Variants in VWCE observed in about 807,000 individuals in gnomAD.
VWCE encodes von Willebrand factor C and EGF domains.
In VWCE, 68 loss-of-function variants were observed where a neutral mutation model predicts 102.9. The ratio of observed to expected loss-of-function variants is 0.66; its 90% confidence interval spans 0.54 to 0.81. The LOEUF (loss-of-function observed/expected upper bound fraction) is 0.81. Among genes scored for constraint, VWCE ranks in the 30% least tolerant of loss-of-function variants. The pLI is 0.00. For synonymous variants in VWCE, 497 were observed against 515.4 expected, an observed-to-expected ratio of 0.96 and a Z score of 0.48; for missense variants, 1,137 against 1,263.6, an observed-to-expected ratio of 0.90 and a Z score of 1.52.
intron 16 of VWCE, among the ~76,000 whole-genome samples, chr11:61,266,182 G>A (rs1854509111): frequency 6.6e-6 from 1 of 152,134 alleles, no homozygotes; most frequent in South Asian, 2.1e-4. Context: ...AGGCAACAGA[G>A]CAAGATCCTG....
chr11:61,274,672 G>A (rs1294401019), intron 11 of VWCE, 88 bp from the exon 12 acceptor site: 2 of 1,162,264 alleles, frequency 1.7e-6, no homozygotes, highest in Non-Finnish European at 1.3e-6. Flanking sequence ...GGAGCCCCGG[G>A]GCACTTAACA....
In VWCE at chr11:61,294,235, C is replaced by G. The variant is rs1855603658; in HGVS notation, c.110+693G>C. ...GGTGGCTGTGGAACACACGTGTGAG[C>G]TACAAGCCTGGCCGGGCCGCCCCCG... On this transcript the variant is annotated intron_variant, in intron 1 of 19. Transcript: ENST00000335613. This position sits in a 1 kb window ranked among gnomAD's most constrained non-coding sequence, Gnocchi z 6.3. Among the ~76,000 whole-genome samples the G allele has an allele frequency of 6.6e-6, 1 of 152,168 alleles. No homozygotes were observed. The highest frequency in any genetic ancestry group is 2.1e-4 in the South Asian group (1 of 4,838).
rs1229015417 is a variant in VWCE, at chr11:61,264,558, T to A, written c.2159A>T (p.Glu720Val). 8.1e-6 allele frequency: 13 copies of A among 1,611,256 alleles called. No homozygotes were observed. The highest frequency in any genetic ancestry group is 1.1e-5 in the Non-Finnish European group (13 of 1,179,032). ...ACAGGCCCGCTGGCAGGGAACCTTCTCACAGCTCACCTCTCCCAGCTGGGG... is the reference window on the plus strand; with the variant it reads ...ACAGGCCCGCTGGCAGGGAACCTTCACACAGCTCACCTCTCCCAGCTGGGG... ...CTCQLGEVSCEKVPCQRACAD... is the reference protein window; with the variant it reads ...CTCQLGEVSCVKVPCQRACAD... Residue 720 changes from glutamate (E) to valine (V), a missense_variant, in exon 19 of 20, where the codon GAG (glutamate) becomes GTG (valine). Transcript: ENST00000335613.
In VWCE at chr11:61,258,806, TGG is replaced by T; in HGVS notation, c.2735_2736del (p.Pro912HisfsTer15). 5 of 1,503,448 alleles carry T rather than the reference TGG, an allele frequency of 3.3e-6. No individual in the cohort carries two copies. The highest frequency in any genetic ancestry group is 4.4e-6 in the Non-Finnish European group (5 of 1,127,768). 93.1% of individuals were successfully genotyped at this position (1,503,448 alleles called of 1,614,324 possible). On this transcript the variant is annotated frameshift_variant, in exon 20 of 20. Transcript: ENST00000335613. LOFTEE classifies it low-confidence loss of function (END_TRUNC). ...SMMDPSPSKTPITLLGPRVLS... is the reference protein window; with the variant it reads ...SMMDPSPSKTXITLLGPRVLS... ...AGCACGCGAGGCCCGAGGAGGGTGATGGGGGTCTTCGAGGGGCTGGGGTCCAT... is the reference window on the plus strand; with the variant it reads ...AGCACGCGAGGCCCGAGGAGGGTGATGGGTCTTCGAGGGGCTGGGGTCCAT...
Position 61,265,103 on chromosome 11 carries a change from G to A in VWCE, c.2056+19C>T, listed in dbSNP as rs996006327. ...GCCTGGCCGGGAACCTGGCACGTGG[G>A]GCAGCTGGTCCCACTCACCTCGGCA... On this transcript the variant is annotated intron_variant, in intron 17 of 19. Transcript: ENST00000335613. The A allele has an allele frequency of 3.1e-6, 5 of 1,612,890 alleles. No individual in the cohort carries two copies. The highest frequency in any genetic ancestry group is 4.2e-6 in the Non-Finnish European group (5 of 1,179,440).
At chr11:61,282,577 G>A in intron 6 of VWCE, 1 of 542,786 alleles carries the variant, frequency 1.8e-6, no homozygotes, top group Non-Finnish European at 3.3e-6. Context: ...GGATGAAAGT[G>A]GCAAATGGCC....
intron 5 of VWCE, 77 bp downstream of exon 5, chr11:61,286,237 G>T: frequency 7.3e-7 from 1 of 1,374,576 alleles, no homozygotes; most frequent in Non-Finnish European, 1.0e-6. Flanking sequence ...CACTGCACTG[G>T]GCATGGCAGG....
chr11:61,273,190 C>T lies in VWCE; in HGVS notation c.1699+9G>A, dbSNP rs745988697. 3.1e-6 allele frequency: 5 copies of T among 1,613,860 alleles called. No homozygotes were observed. The highest frequency in any genetic ancestry group is 2.2e-5 in the South Asian group (2 of 91,066). On this transcript the variant is annotated intron_variant, in intron 13 of 19. Transcript: ENST00000335613. The stretch of plus-strand genomic sequence containing the variant: ...TGCCCTGTGTCGGGGCAGCCCTGGA[C>T]CAGCTCACCTGTCGAGGGTGTGGGC...
intron 15 of VWCE, 99 bp downstream of exon 15, chr11:61,268,823 G>T: frequency 1.6e-6 from 2 of 1,231,740 alleles, no homozygotes; most frequent in South Asian, 1.3e-5. Flanking sequence ...GTCCCTTGGG[G>T]TTGTTAGGAC....
chr11:61,271,471 TGCCAAGCACCATCG>T (rs900274465), intron 14 of VWCE, 190 bp downstream of exon 14: 32 of 504,066 alleles, frequency 6.3e-5, no homozygotes, highest in African/African-American at 5.7e-4. Flanking sequence ...TAAGGCCAAC[TGCCAAGCACCATCG>T]TCCTCACACA....
chr11:61,262,604 T>C (rs992227876), intron 19 of VWCE, among the ~76,000 whole-genome samples: 2 of 152,212 alleles, frequency 1.3e-5, no homozygotes, highest in Non-Finnish European at 2.9e-5. Context: ...CAATCTATAA[T>C]GTCCCCAACA....
chr11:61,292,930 A>C (rs1855552055), intron 1 of VWCE, among the ~76,000 whole-genome samples: 1 of 151,902 alleles, frequency 6.6e-6, no homozygotes, highest in Non-Finnish European at 1.5e-5. Flanking sequence ...CAACATGGCA[A>C]AACCCTGTCT....
In VWCE at chr11:61,258,679, A is replaced by G. The variant is rs375784638; in HGVS notation, c.2864T>C (p.Met955Thr). The G allele has an allele frequency of 9.3e-6, 13 of 1,392,386 alleles. No homozygotes were observed. Among genetic ancestry groups the G allele is most frequent in the Admixed American group, 8.2e-5 (3 of 36,658 alleles). The allele number at this position is 1,392,386 out of a possible 1,614,324, so 86.3% of individuals were successfully genotyped here. The part of the protein sequence containing the change: ...VGASRGEEST[M>T] The stretch of plus-strand genomic sequence containing the variant: ...CTCCCGGACACAGTGACCTCCTTAC[A>G]TGGTGGACTCTTCCCCCCGAGAAGC... Residue 955 changes from methionine to threonine, a missense_variant, in exon 20 of 20, where the codon ATG (methionine) becomes ACG (threonine). This residue lies in a region of VWCE where 316 missense variants were observed against 319.3 expected (regional missense o/e 0.99). Transcript: ENST00000335613.
chr11:61,277,156 AAGAG>A (rs1168054128), intron 10 of VWCE, among the ~76,000 whole-genome samples: 4 of 137,150 alleles, frequency 2.9e-5, no homozygotes, highest in African/African-American at 5.3e-5. Context: ...AAGAAAGAAA[AAGAG>A]AGAAAAAAGG....
chr11:61,258,855 C>A lies in VWCE; in HGVS notation c.2688G>T (p.Thr896=), dbSNP rs141714052. 7 of 1,517,528 alleles carry A rather than the reference C, an allele frequency of 4.6e-6. No homozygotes were observed. Among genetic ancestry groups the A allele is most frequent in the Non-Finnish European group, 8.8e-7 (1 of 1,135,030 alleles). 94.0% of individuals were successfully genotyped at this position (1,517,528 alleles called of 1,614,324 possible). The change falls in exon 20 of 20, where the codon ACG becomes ACT. Residue 896 remains threonine, a synonymous_variant. Transcript: ENST00000335613. ...RWPPLPGTLL[T]EASALSMMDP... ...CCATCATGGAAAGTGCTGAAGCTTC[C>A]GTCAGGAGGGTGCCAGGCAGAGGAG...
intron 18 of VWCE, 40 bp downstream of exon 18, chr11:61,264,916 C>T: frequency 2.5e-6 from 4 of 1,608,430 alleles, no homozygotes; most frequent in Non-Finnish European, 3.4e-6. Flanking sequence ...AGAAGCTGCC[C>T]TCTGGCGGGG....
Position 61,286,399 on chromosome 11 carries a change from C to T in VWCE, c.456G>A (p.Glu152=), listed in dbSNP as rs1483444690. The change falls in exon 5 of 20, where the codon GAG becomes GAA. Residue 152 remains glutamate (E), a synonymous_variant. Coordinates refer to ENST00000335613, the MANE Select transcript of VWCE (RefSeq NM_152718.2). The stretch of plus-strand genomic sequence containing the variant: ...CACCTTCTGTGTTCACACAGTGGCC[C>T]TCGCAGGAGGAGGTTACACATTCGT... ...DIDECVTSSC[E]GHCVNTEGGF... 3 of 1,612,810 alleles carry T rather than the reference C, an allele frequency of 1.9e-6. No individual in the cohort carries two copies. The highest frequency in any genetic ancestry group is 2.5e-6 in the Non-Finnish European group (3 of 1,180,038).
chr11:61,258,705 C>A lies in VWCE; in HGVS notation c.2838G>T (p.Gly946=), dbSNP rs762864857. 1 of 1,392,812 alleles carries A rather than the reference C, an allele frequency of 7.2e-7. No homozygotes were observed. The highest frequency in any genetic ancestry group is 9.3e-7 in the Non-Finnish European group (1 of 1,070,030). The allele number at this position is 1,392,812 out of a possible 1,614,324, so 86.3% of individuals were successfully genotyped here. ...THPGPQQPPV[G]ASRGEESTM ...TGGTGGACTCTTCCCCCCGAGAAGC[C>A]CCCACTGGGGGCTGCTGGGGGCCAG... Residue 946 remains glycine, a synonymous_variant, in exon 20 of 20, where the codon GGG becomes GGT. Coordinates refer to ENST00000335613, the MANE Select transcript of VWCE (RefSeq NM_152718.2).
intron 12 of VWCE, 28 bp downstream of exon 12, chr11:61,274,471 C>T (rs1173120108): frequency 2.5e-6 from 4 of 1,607,438 alleles, no homozygotes; most frequent in African/African-American, 1.3e-5. Flanking sequence ...ATCAATTCCA[C>T]AGGCTTTGGG....
Sources: allele counts gnomAD v4.1 joint callset (sites outside exome capture counted in the v4.1 genomes callset), GRCh38; gene constraint gnomAD v4.1.1; regional missense constraint gnomAD v4.1.1; non-coding constraint Gnocchi (gnomAD v3.1); transcripts MANE v1.5; gene names NCBI Gene and HGNC (gene_info 2026-07-23, HGNC 2026-07-21).